The following PIGN variants were observed in gnomAD, a reference collection of about 807,000 sequenced individuals.
The protein encoded by PIGN is GPI ethanolamine phosphate transferase 1.
Under a neutral mutation model 125.4 loss-of-function variants are expected in PIGN, and 117 were observed. That is an observed-to-expected ratio of 0.93 (90% CI 0.80 to 1.09). The LOEUF (loss-of-function observed/expected upper bound fraction) is 1.09, where lower values mean the gene tolerates loss of function less well. Ranked by LOEUF, PIGN falls within the 50% of genes least tolerant of loss-of-function variation. PIGN has a pLI of 0.00. For synonymous variants in PIGN, 392 were observed against 377.8 expected, an observed-to-expected ratio of 1.04 and a Z score of -0.44; for missense variants, 1,075 against 1,094.9, an observed-to-expected ratio of 0.98 and a Z score of 0.26.
In PIGN at chr18:62,084,576, C is replaced by A. The variant is rs1007645231; in HGVS notation, c.2457G>T (p.Leu819=). 7.1e-6 allele frequency: 11 copies of A among 1,559,692 alleles called. No homozygotes were observed. The African/African-American group carries it at 1.2e-4, about 17-fold the overall frequency. Residue 819 remains leucine, a synonymous_variant, in exon 27 of 31, where the codon CTG becomes CTT. Coordinates refer to ENST00000640252, the MANE Select transcript of PIGN (RefSeq NM_176787.5). ...SFDLASVYCF[L]TVFSPFMMGA... is the part of the protein sequence containing the mutation. ...CCATCATAAAAGGACTGAACACAGT[C>A]AGAAAGCAATAGACAGAGGCAAGAT...
chr18:62,111,121 C>T (rs2034862319), intron 16 of PIGN, among the ~76,000 whole-genome samples: 1 of 151,898 alleles, frequency 6.6e-6, no homozygotes, highest in Non-Finnish European at 1.5e-5. Context: ...ATTCAAGTGT[C>T]AGAAAATATG....
intron 1 of PIGN, among the ~76,000 whole-genome samples, chr18:62,183,914 C>T (rs2037806403): frequency 6.6e-6 from 1 of 151,246 alleles, no homozygotes; most frequent in Non-Finnish European, 1.5e-5. Flanking sequence ...GCAGTTATTA[C>T]AAAATATCAG....
intron 30 of PIGN, among the ~76,000 whole-genome samples, chr18:62,057,463 T>A (rs2031813625): frequency 6.6e-6 from 1 of 152,182 alleles, no homozygotes; most frequent in Admixed American, 6.5e-5. Context: ...ATTTTCTAAG[T>A]CCAGCCACTT....
intron 1 of PIGN, among the ~76,000 whole-genome samples, chr18:62,171,068 T>A (rs1317317706): frequency 6.6e-6 from 1 of 152,172 alleles, no homozygotes; most frequent in Admixed American, 6.5e-5. Context: ...GGAATGGAGT[T>A]AAATCCACAG....
chr18:62,166,221 T>C (rs992672505), intron 1 of PIGN, among the ~76,000 whole-genome samples: 64 of 152,124 alleles, frequency 4.2e-4, no homozygotes, highest in African/African-American at 1.4e-3. Context: ...CAGAGAAACA[T>C]ATTGGTTGCA....
intron 23 of PIGN, among the ~76,000 whole-genome samples, chr18:62,031,767 T>A (rs1300137048): frequency 6.6e-6 from 1 of 152,226 alleles, no homozygotes; most frequent in Non-Finnish European, 1.5e-5. Flanking sequence ...TTGAGTGATA[T>A]GTGTCAAAGT....
At chr18:62,047,456 T>G (rs762773704) in intron 30 of PIGN, among the ~76,000 whole-genome samples, 4 of 152,092 alleles carry the variant, frequency 2.6e-5, no homozygotes, top group African/African-American at 4.8e-5. Context: ...CACTCAGAGG[T>G]AGAAAGGCCA....
At chr18:62,090,297 A>G (rs1169831280) in intron 24 of PIGN, among the ~76,000 whole-genome samples, 179 bp downstream of exon 24, 3 of 152,180 alleles carry the variant, frequency 2.0e-5, no homozygotes, top group African/African-American at 7.2e-5. Flanking sequence ...CTTTTCTGTG[A>G]TAAGTAAAAA....
intron 30 of PIGN, among the ~76,000 whole-genome samples, chr18:62,047,121 A>G (rs1028420544): frequency 6.6e-6 from 1 of 152,266 alleles, no homozygotes; most frequent in African/African-American, 2.4e-5. Flanking sequence ...ATATTAACTG[A>G]TCTACTTCAG....
At chr18:62,122,567 G>A (rs1275507041) in intron 14 of PIGN, among the ~76,000 whole-genome samples, 7 of 152,042 alleles carry the variant, frequency 4.6e-5, no homozygotes, top group African/African-American at 1.4e-4. Flanking sequence ...ATACAGGGTT[G>A]AAAATTAACT....
At chr18:62,138,841 C>A (rs567159237) in intron 13 of PIGN, 142 bp downstream of exon 13, 1 of 553,214 alleles carries the variant, frequency 1.8e-6, no homozygotes, top group East Asian at 2.9e-5. Flanking sequence ...AAATGTGAAA[C>A]ACAAGTCAAA....
chr18:62,148,187 A>T (rs1453386301), intron 8 of PIGN, 27 bp downstream of exon 8: 3 of 1,493,346 alleles, frequency 2.0e-6, no homozygotes, highest in Admixed American at 2.4e-5. Flanking sequence ...GCCCTAAAAA[A>T]TACAATTAAA....
At chr18:62,086,292 G>T (rs1317851156) in intron 25 of PIGN, among the ~76,000 whole-genome samples, 1 of 152,186 alleles carries the variant, frequency 6.6e-6, no homozygotes, top group Admixed American at 6.5e-5. Flanking sequence ...GAAAGATGAA[G>T]CAAGAAATAT....
chr18:62,181,464 C>T (rs533592991), intron 1 of PIGN, among the ~76,000 whole-genome samples: 5 of 152,122 alleles, frequency 3.3e-5, no homozygotes, highest in Non-Finnish European at 7.4e-5. Context: ...AATCTAATAG[C>T]TATTTTTTAG....
chr18:62,154,430 G>C, intron 7 of PIGN, 115 bp downstream of exon 7: 1 of 662,254 alleles, frequency 1.5e-6, no homozygotes, highest in Non-Finnish European at 2.7e-6. Context: ...TCAGAACAGT[G>C]TGCTACAACA....
chr18:62,053,683 T>C (rs2031499415), intron 30 of PIGN, among the ~76,000 whole-genome samples: 1 of 152,172 alleles, frequency 6.6e-6, no homozygotes, highest in Non-Finnish European at 1.5e-5. Flanking sequence ...TACCCTTTTC[T>C]CAAAAATTGA....
At chr18:62,102,044 G>A (rs1599523148) in intron 21 of PIGN, among the ~76,000 whole-genome samples, 2 of 151,690 alleles carry the variant, frequency 1.3e-5, no homozygotes, top group South Asian at 2.1e-4. Context: ...CCTGGCCAAC[G>A]TGGTGAAACC....
At chr18:62,096,193 G>A (rs2034180327) in intron 22 of PIGN, among the ~76,000 whole-genome samples, 1 of 152,116 alleles carries the variant, frequency 6.6e-6, no homozygotes, top group Non-Finnish European at 1.5e-5. Flanking sequence ...TACTCAGGAG[G>A]CTGAGGTAGG....
At chr18:62,163,151 A>AG (rs1033057340) in intron 2 of PIGN, among the ~76,000 whole-genome samples, 3 of 152,146 alleles carry the variant, frequency 2.0e-5, no homozygotes. Flanking sequence ...CTAGCCAGTA[A>AG]GGGTGTATAC....
Sources: gnomAD v4.1 joint callset for allele counts (sites outside exome capture counted in the v4.1 genomes callset) on GRCh38, gnomAD v4.1.1 for gene constraint, MANE v1.5 for transcripts, NCBI Gene and HGNC (gene_info 2026-07-23, HGNC 2026-07-21) for gene names.